The following KTN1 variants were observed in gnomAD, a reference collection of about 807,000 sequenced individuals.
KTN1 encodes kinectin.
In KTN1, 130 loss-of-function variants were observed where a neutral mutation model predicts 222.5. The ratio of observed to expected loss-of-function variants is 0.58; its 90% CI spans 0.51 to 0.68. The LOEUF is 0.68. KTN1 is among the 30% of genes least tolerant of loss of function. KTN1 has a pLI of 0.00. For missense variants in KTN1, 1,508 were observed against 1,500.4 expected (o/e 1.01, Z -0.08); for synonymous variants, 512 against 496.3 (o/e 1.03, Z -0.42).
At chr14:55,625,049 T>G (rs2039631349) in intron 5 of KTN1, among the ~76,000 whole-genome samples, 2 of 152,278 alleles carry the variant, frequency 1.3e-5, no homozygotes, top group Middle Eastern at 6.8e-3. Flanking sequence ...ACACATGCCC[T>G]TGTATTCGAG....
intron 1 of KTN1, among the ~76,000 whole-genome samples, chr14:55,592,675 C>T (rs558872599): frequency 1.2e-4 from 18 of 152,198 alleles, no homozygotes; most frequent in Non-Finnish European, 2.5e-4. Context: ...CTCCTCCAGT[C>T]CCTATTTGAC....
intron 25 of KTN1, among the ~76,000 whole-genome samples, chr14:55,652,393 C>CTTTTTTTT (rs769501863): frequency 1.7e-5 from 2 of 117,424 alleles, no homozygotes; most frequent in Non-Finnish European, 3.4e-5. Context: ...TCTTAAATGC[C>CTTTTTTTT]TTTTTTTTTT....
intron 1 of KTN1, among the ~76,000 whole-genome samples, chr14:55,600,915 T>A (rs1000375058): frequency 2.0e-5 from 3 of 152,138 alleles, no homozygotes; most frequent in Non-Finnish European, 4.4e-5. Context: ...CCAGATTATT[T>A]CCCATGGAAG....
At chr14:55,661,805 G>C (rs759546925) in intron 32 of KTN1, 193 bp downstream of exon 32, 1 of 382,026 alleles carries the variant, frequency 2.6e-6, no homozygotes, top group Non-Finnish European at 4.7e-6. Context: ...TAAGTGAAAA[G>C]ATGAATTCTT....
chr14:55,620,737 AC>A (rs1312713414), intron 5 of KTN1, among the ~76,000 whole-genome samples: 1 of 152,084 alleles, frequency 6.6e-6, no homozygotes, highest in Admixed American at 6.5e-5. Context: ...TGCTCAGGAA[AC>A]CATTTTTTCT....
chr14:55,639,163 T>C, intron 12 of KTN1, 22 bp from the exon 13 acceptor site: 1 of 1,545,728 alleles, frequency 6.5e-7, no homozygotes, highest in Non-Finnish European at 8.9e-7. Flanking sequence ...ACTTTTATGT[T>C]GACACTATTT....
At chr14:55,641,321 C>CAGAG in intron 17 of KTN1, 113 bp downstream of exon 17, 1 of 642,700 alleles carries the variant, frequency 1.6e-6, no homozygotes, top group Non-Finnish European at 2.7e-6. Context: ...AACAGTGTTT[C>CAGAG]TGTAGTTTAT....
chr14:55,680,767 CAT>C lies in KTN1; in HGVS notation c.4069+1086_4069+1087del, dbSNP rs2046299393. ...GTCAGTTATCTCTAACATGACTTTC[CAT>C]ATAATAAGCCCAGCTCATTCTTCAA... is the stretch of plus-strand genomic sequence containing the variant. On this transcript the variant is annotated intron_variant, in intron 43 of 43. Transcript: ENST00000395314. The C allele has an allele frequency of 1.6e-6, 2 of 1,242,820 alleles. 1 individual carries two copies. The highest frequency in any genetic ancestry group is 3.8e-5 in the Admixed American group (2 of 52,360). 77.0% of individuals were successfully genotyped at this position (1,242,820 alleles called of 1,614,324 possible).
intron 1 of KTN1, among the ~76,000 whole-genome samples, chr14:55,581,547 CTT>C (rs1191087928): frequency 1.3e-5 from 2 of 151,970 alleles, no homozygotes; most frequent in East Asian, 1.9e-4. Flanking sequence ...TGTGTGATGA[CTT>C]TGTGGAAAGC....
chr14:55,653,207 A>G (rs1168422146), intron 27 of KTN1, 122 bp downstream of exon 27: 4 of 723,102 alleles, frequency 5.5e-6, no homozygotes, highest in Non-Finnish European at 9.4e-6. Context: ...ATGTTGTACC[A>G]TAGTTTTGTT....
At chr14:55,656,228 A>G in intron 29 of KTN1, 96 bp downstream of exon 29, 2 of 786,040 alleles carry the variant, frequency 2.5e-6, no homozygotes, top group Non-Finnish European at 4.2e-6. Flanking sequence ...AGAGTACAGA[A>G]TGAGTCTCCC....
At position 55,652,978 on chromosome 14, in the gene KTN1, A is replaced by C. The variant is rs374210822; in HGVS notation, c.2694+38A>C. On this transcript the variant is annotated intron_variant, in intron 26 of 43. Coordinates refer to ENST00000395314, the MANE Select transcript of KTN1 (RefSeq NM_001079521.2). ...AAACAATAAAAAATAGCCTTTTTAT[A>C]CTTGACTATCAATTTAATTTACACC... 126 of 1,579,410 alleles carry C rather than the reference A, an allele frequency of 8.0e-5. 4 individuals are homozygous for C. In the South Asian group the frequency reaches 1.3e-3, roughly 16 times the overall value.
intron 5 of KTN1, among the ~76,000 whole-genome samples, chr14:55,622,852 A>G (rs2039339050): frequency 6.6e-6 from 1 of 152,256 alleles, no homozygotes; most frequent in African/African-American, 2.4e-5. Flanking sequence ...TAGTTAAAAC[A>G]TAAATCCAGA....
chr14:55,670,858 G>T (rs760867540), intron 35 of KTN1, 49 bp downstream of exon 35: 1 of 1,275,042 alleles, frequency 7.8e-7, no homozygotes, highest in South Asian at 1.3e-5. Context: ...GAAAAAAGAA[G>T]CAAATAAGAT....
chr14:55,607,239 G>A (rs140819124), intron 1 of KTN1: 19 of 152,300 alleles, frequency 1.2e-4, no homozygotes, highest in African/African-American at 4.6e-4. Flanking sequence ...TTATAGGAGA[G>A]CGAGTAAATA....
Position 55,678,399 on chromosome 14 carries a change from T to A in KTN1, c.3903T>A (p.Ala1301=). The A allele has an allele frequency of 6.2e-7, 1 of 1,612,926 alleles. No individual in the cohort carries two copies. The highest frequency in any genetic ancestry group is 1.3e-5 in the African/African-American group (1 of 75,016). The stretch of plus-strand genomic sequence containing the variant: ...TCCAGTCAAAAATAGTAAAAGCTGC[T>A]GGAGACACTACTGTTATTGAAAATA... The part of the protein sequence containing the change: ...ELIQSKIVKA[A]GDTTVIENSD... The change falls in exon 42 of 44, where the codon GCT becomes GCA. Residue 1301 remains alanine, a synonymous_variant. Coordinates refer to ENST00000395314, the MANE Select transcript of KTN1 (RefSeq NM_001079521.2).
At chr14:55,639,830 A>G in intron 13 of KTN1, 83 bp from the exon 14 acceptor site, 2 of 851,752 alleles carry the variant, frequency 2.3e-6, no homozygotes. Context: ...TGAAGTAAGG[A>G]TGATGCTTTT....
chr14:55,669,122 A>G (rs1487166399), intron 34 of KTN1, among the ~76,000 whole-genome samples: 1 of 152,016 alleles, frequency 6.6e-6, no homozygotes, highest in African/African-American at 2.4e-5. Context: ...TTATGGAAAT[A>G]ATACTGGGGG....
Position 55,656,076 on chromosome 14 carries a change from G to C in KTN1, c.2836G>C (p.Glu946Gln). 6.2e-7 allele frequency: 1 copy of C among 1,611,088 alleles called. No homozygotes were observed. The highest frequency in any genetic ancestry group is 8.5e-7 in the Non-Finnish European group (1 of 1,177,742). ...KEKENELKRL[E>Q]AMLKERESDL... ...AAAGGAAAATGAATTGAAGAGGTTA[G>C]AAGCCATGCTAAAAGAGAGGGAGAG... The change falls in exon 29 of 44, where the codon GAA (glutamate) becomes CAA (glutamine). Residue 946 changes from glutamate to glutamine, a missense_variant. Glu to Gln is a conservative substitution (Grantham distance 29, BLOSUM62 2). Transcript: ENST00000395314.
Sources: allele counts gnomAD v4.1 joint callset (sites outside exome capture counted in the v4.1 genomes callset), GRCh38; gene constraint gnomAD v4.1.1; transcripts MANE v1.5; gene names NCBI Gene and HGNC (gene_info 2026-07-23, HGNC 2026-07-21).